ZNF385D: variants seen among roughly 807,000 people sequenced by gnomAD.
The protein encoded by ZNF385D is zinc finger protein 385D.
In ZNF385D, 15 loss-of-function variants were observed where a neutral mutation model predicts 35.8. The observed-to-expected ratio is 0.42, with a 90% CI of 0.28 to 0.64. ZNF385D has a LOEUF of 0.64. Ranked by LOEUF, ZNF385D falls within the 30% of genes least tolerant of loss-of-function variation. The pLI is 0.23. For missense variants in ZNF385D, 474 were observed against 494.6 expected, an observed-to-expected ratio of 0.96 and a Z score of 0.39; for synonymous variants, 212 against 186.8, an observed-to-expected ratio of 1.13 and a Z score of -1.10.
At chr3:22,218,561 G>A (rs777289774) in intron 2 of ZNF385D, among the ~76,000 whole-genome samples, 2 of 151,960 alleles carry the variant, frequency 1.3e-5, no homozygotes, top group Non-Finnish European at 2.9e-5. Flanking sequence ...TTAATTGGCT[G>A]CTTATTATTT....
At chr3:21,752,301 T>C (rs1172084123), upstream of ZNF385D, among the ~76,000 whole-genome samples, 1 of 152,174 alleles carries the variant, frequency 6.6e-6, no homozygotes, top group Non-Finnish European at 1.5e-5. Flanking sequence ...TAAATTTCTA[T>C]AGACATTTAT....
Position 21,759,207 on chromosome 3 carries a change from G to A in ZNF385D, c.326-94179C>T, listed in dbSNP as rs373946125. 6.6e-5 allele frequency among the ~76,000 whole-genome samples: 10 copies of A among 152,110 alleles called. 1 individual carries two copies. Among genetic ancestry groups the A allele is most frequent in the African/African-American group, 2.4e-4 (10 of 41,426 alleles). ...GTCTGGTAAAAGATGATATTATGAA[G>A]GGGTTCAGGCAATCCTGAGAAGCTA... is the stretch of plus-strand genomic sequence containing the variant. On this transcript the variant is annotated intron_variant, in intron 3 of 5. Coordinates refer to the ZNF385D transcript ENST00000494108.
intron 3 of ZNF385D, among the ~76,000 whole-genome samples, chr3:21,517,321 C>T (rs1395602922): frequency 6.6e-6 from 1 of 151,946 alleles, no homozygotes; most frequent in African/African-American, 2.4e-5. Flanking sequence ...CATGAACACA[C>T]CTGTGAAGGG....
At chr3:22,237,550 G>A (rs1379251760) in intron 2 of ZNF385D, among the ~76,000 whole-genome samples, 3 of 152,070 alleles carry the variant, frequency 2.0e-5, no homozygotes, top group Admixed American at 2.0e-4. Flanking sequence ...TTTGCTTTTG[G>A]TGTTATATCT....
intron 4 of ZNF385D, among the ~76,000 whole-genome samples, chr3:21,498,009 C>T (rs1389365247): frequency 1.3e-5 from 2 of 151,908 alleles, no homozygotes; most frequent in Non-Finnish European, 2.9e-5. Context: ...GGTACTGGTA[C>T]AAAAACAGGC....
chr3:21,677,791 G>T (rs73040090), intron 1 of ZNF385D, among the ~76,000 whole-genome samples: 7,636 of 151,942 alleles, frequency 0.05, 276 homozygotes, highest in East Asian at 0.13. Flanking sequence ...TAGCAATTCT[G>T]TTAGTCCTTA....
chr3:22,267,298 ATTCC>A (rs1468175460), intron 2 of ZNF385D, among the ~76,000 whole-genome samples: 2 of 151,946 alleles, frequency 1.3e-5, no homozygotes, highest in East Asian at 1.9e-4. Flanking sequence ...AAATTCACAA[ATTCC>A]TTCCTTGTCA....
At chr3:21,478,454 T>C (rs1285580120) in intron 4 of ZNF385D, among the ~76,000 whole-genome samples, 1 of 152,126 alleles carries the variant, frequency 6.6e-6, no homozygotes, top group Non-Finnish European at 1.5e-5. Flanking sequence ...CTTTGAACTT[T>C]AAAACAAGCA....
intron 3 of ZNF385D, among the ~76,000 whole-genome samples, chr3:21,540,410 G>C (rs182075372): frequency 6.6e-6 from 1 of 152,156 alleles, no homozygotes; most frequent in Admixed American, 6.5e-5. Context: ...TGGCCTCCAG[G>C]TGTAATATTA....
intron 2 of ZNF385D, among the ~76,000 whole-genome samples, chr3:22,292,279 T>G (rs1250864801): frequency 6.6e-6 from 1 of 152,078 alleles, no homozygotes; most frequent in Non-Finnish European, 1.5e-5. Context: ...ATGTTTTTGT[T>G]GTTGCTTCAA....
In ZNF385D at chr3:21,691,949, TA is replaced by T. The variant is rs568028829; in HGVS notation, c.23-26922del. On this transcript the variant is annotated intron_variant, in intron 1 of 7. Transcript: ENST00000281523. ...TTTGTCTCTATGAATCTGACTACTC[TA>T]AATATCTCCTAGGCGTGGAGTCATA... Among the ~76,000 whole-genome samples, 36 of 152,298 alleles carry T rather than the reference TA, an allele frequency of 2.4e-4. No individual in the cohort carries two copies. In the South Asian group the frequency reaches 6.8e-3, roughly 29 times the overall value.
intron 5 of ZNF385D, among the ~76,000 whole-genome samples, chr3:21,434,148 C>T (rs6806788): frequency 0.15 from 23,242 of 152,034 alleles, 2,348 homozygotes; most frequent in East Asian, 0.31. Context: ...CACAGTGAAA[C>T]GGAGTGCAGG....
chr3:21,491,659 C>G (rs1705432394), intron 4 of ZNF385D, among the ~76,000 whole-genome samples: 1 of 152,102 alleles, frequency 6.6e-6, no homozygotes, highest in Non-Finnish European at 1.5e-5. Context: ...GGTAAAGAAA[C>G]TTTGATTGGA....
chr3:22,271,592 C>G (rs534671409), intron 2 of ZNF385D, among the ~76,000 whole-genome samples: 1 of 151,896 alleles, frequency 6.6e-6, no homozygotes, highest in South Asian at 2.1e-4. Context: ...TGATCCCAGC[C>G]ACACTCCATG....
rs572441220 is a variant in ZNF385D at position 22,326,071 on chromosome 3, T to C, written c.106+46379A>G. 7.1e-4 allele frequency among the ~76,000 whole-genome samples: 108 copies of C among 152,248 alleles called. 1 individual carries two copies. Among genetic ancestry groups the C allele is most frequent in the African/African-American group, 2.4e-3 (99 of 41,538 alleles). On this transcript the variant is annotated intron_variant, in intron 2 of 5. Transcript: ENST00000494108. ...AATTCCCGAATGTTTTCCTTTCCCCTCTCTCTTCCACTTTTCCCTTCCAGG... is the reference window on the plus strand; with the variant it reads ...AATTCCCGAATGTTTTCCTTTCCCCCCTCTCTTCCACTTTTCCCTTCCAGG...
intron 3 of ZNF385D, among the ~76,000 whole-genome samples, chr3:21,983,165 T>C: frequency 1.0e-5 from 1 of 98,912 alleles, no homozygotes; most frequent in Admixed American, 9.3e-5. Flanking sequence ...TTTTATTTTA[T>C]TATTTTTTTT....
At position 21,798,900 on chromosome 3, in the gene ZNF385D, G is replaced by A. The variant is rs552236878; in HGVS notation, c.326-133872C>T. ...GTTGTGCAATAATAACGTCTATATA[G>A]TTAAAAAATATTTTCATCCTCAAAA... On this transcript the variant is annotated intron_variant, in intron 3 of 5. Transcript: ENST00000494108. Among the ~76,000 whole-genome samples, 7 of 152,152 alleles carry A rather than the reference G, an allele frequency of 4.6e-5. No homozygotes were observed. The South Asian group carries it at 1.5e-3, about 32-fold the overall frequency.
At chr3:21,601,070 T>TG (rs2064273457) in intron 2 of ZNF385D, among the ~76,000 whole-genome samples, 1 of 152,124 alleles carries the variant, frequency 6.6e-6, no homozygotes, top group Non-Finnish European at 1.5e-5. Context: ...ATAATAAAAA[T>TG]AATGTTCTTT....
chr3:22,131,859 T>G (rs1388376676), intron 3 of ZNF385D, among the ~76,000 whole-genome samples: 2 of 152,124 alleles, frequency 1.3e-5, no homozygotes, highest in African/African-American at 2.4e-5. Context: ...AGAGAAGGTA[T>G]AAGTCAGGGA....
Sources: gnomAD v4.1 joint callset for allele counts (sites outside exome capture counted in the v4.1 genomes callset) on GRCh38, gnomAD v4.1.1 for gene constraint, MANE v1.5 for transcripts, NCBI Gene and HGNC (gene_info 2026-07-23, HGNC 2026-07-21) for gene names.